The following BNC2 variants were observed in gnomAD, a reference collection of about 807,000 sequenced individuals.
The protein encoded by BNC2 is basonuclin zinc finger protein 2, also known as zinc finger protein basonuclin-2.
In BNC2, 20 loss-of-function variants were observed where a neutral mutation model predicts 76.3. The observed-to-expected ratio is 0.26, with a 90% confidence interval of 0.18 to 0.38. The LOEUF (loss-of-function observed/expected upper bound fraction) is 0.38, where lower values mean the gene tolerates loss of function less well. Ranked by LOEUF, BNC2 falls within the 10% of genes least tolerant of loss-of-function variation. The pLI, the probability that BNC2 is intolerant of heterozygous loss-of-function variation, is 1.00. For missense variants in BNC2, 1,382 were observed against 1,399.8 expected, an observed-to-expected ratio of 0.99 and a Z score of 0.20; for synonymous variants, 582 against 514.8, an observed-to-expected ratio of 1.13 and a Z score of -1.77.
At chr9:16,537,402 T>TA (rs960963457) in intron 5 of BNC2, among the ~76,000 whole-genome samples, 1 of 151,576 alleles carries the variant, frequency 6.6e-6, no homozygotes, top group Non-Finnish European at 1.5e-5. Flanking sequence ...ATTATTGCTG[T>TA]AAAAAAAAGT....
intron 2 of BNC2, among the ~76,000 whole-genome samples, chr9:16,736,360 A>G (rs1824668236): frequency 6.6e-6 from 1 of 151,984 alleles, no homozygotes; most frequent in Admixed American, 6.6e-5. Flanking sequence ...CTTCATATGC[A>G]ATTTACAAAC....
chr9:16,779,928 G>C (rs896551845), intron 1 of BNC2, among the ~76,000 whole-genome samples: 3 of 152,152 alleles, frequency 2.0e-5, no homozygotes, highest in Admixed American at 2.0e-4. Context: ...GTGATAGTTA[G>C]ACAATATACT....
rs553674598 is a variant in BNC2, at chr9:16,430,094, G to A, written c.2639+5461C>T. 1.8e-5 allele frequency: 8 copies of A among 453,844 alleles called. No individual in the cohort carries two copies. In the East Asian group the frequency reaches 2.8e-4, roughly 16 times the overall value. The allele number at this position is 453,844 out of a possible 1,614,324, so 28.1% of individuals were successfully genotyped here. On this transcript the variant is annotated intron_variant, in intron 6 of 6. Coordinates refer to ENST00000380672, the MANE Select transcript of BNC2 (RefSeq NM_017637.6). ...GCACAACTAGCAATTACTCAGGAGG[G>A]GGATGTATTTTGTGTGTTTGCTTCT...
intron 3 of BNC2, among the ~76,000 whole-genome samples, chr9:16,596,764 C>G (rs1244039016): frequency 6.6e-6 from 1 of 152,036 alleles, no homozygotes; most frequent in Non-Finnish European, 1.5e-5. Flanking sequence ...GAGCCTTTAC[C>G]CTGTGATTGT....
At position 16,458,785 on chromosome 9, in the gene BNC2, G is replaced by A. The variant is rs542401561; in HGVS notation, c.670-21261C>T. Among the ~76,000 whole-genome samples, 156 of 152,266 alleles carry A rather than the reference G, an allele frequency of 1.0e-3. 1 individual carries two copies. Among genetic ancestry groups the A allele is most frequent in the African/African-American group, 3.4e-3 (140 of 41,552 alleles). On this transcript the variant is annotated intron_variant, in intron 5 of 6. Transcript: ENST00000380672. ...GTTTACTAAGCACTCACTATGTGCCGGGCACCAAGGGAACAAGCACTTCAT... is the reference window on the plus strand; with the variant it reads ...GTTTACTAAGCACTCACTATGTGCCAGGCACCAAGGGAACAAGCACTTCAT...
At chr9:16,535,994 C>A (rs1377184499) in intron 5 of BNC2, among the ~76,000 whole-genome samples, 3 of 152,026 alleles carry the variant, frequency 2.0e-5, no homozygotes, top group Non-Finnish European at 4.4e-5. Context: ...AACCTAATAG[C>A]CAGATATGTA....
At chr9:16,858,982 T>C (rs891771046) in intron 1 of BNC2, among the ~76,000 whole-genome samples, 8 of 152,042 alleles carry the variant, frequency 5.3e-5, no homozygotes, top group East Asian at 3.8e-4. Flanking sequence ...TATAGACATA[T>C]AGACAACTCT....
At chr9:16,690,406 G>A (rs945306422) in intron 3 of BNC2, among the ~76,000 whole-genome samples, 4 of 152,130 alleles carry the variant, frequency 2.6e-5, no homozygotes, top group South Asian at 2.1e-4. Flanking sequence ...AAAAGGAGCC[G>A]TGAGTGTGCC....
chr9:16,737,683 A>C (rs971865964), intron 2 of BNC2, among the ~76,000 whole-genome samples: 1 of 152,196 alleles, frequency 6.6e-6, no homozygotes, highest in Non-Finnish European at 1.5e-5. Context: ...ATGTTGAAAC[A>C]GAGCAAATGT....
intron 5 of BNC2, among the ~76,000 whole-genome samples, chr9:16,524,259 C>T (rs1373056044): frequency 6.6e-6 from 1 of 152,176 alleles, no homozygotes; most frequent in African/African-American, 2.4e-5. Context: ...TAATGAAGTA[C>T]AGTATGAGCT....
intron 5 of BNC2, among the ~76,000 whole-genome samples, chr9:16,451,976 C>G (rs1821349413): frequency 1.3e-5 from 2 of 152,150 alleles, no homozygotes; most frequent in African/African-American, 4.8e-5. Flanking sequence ...GTATCTTGCT[C>G]AAGATCAGGA....
intron 5 of BNC2, among the ~76,000 whole-genome samples, chr9:16,457,423 G>C (rs893013142): frequency 2.6e-5 from 4 of 152,170 alleles, no homozygotes; most frequent in Non-Finnish European, 4.4e-5. Flanking sequence ...ACTCACTACA[G>C]TGATGGGATA....
chr9:16,705,390 G>T (rs1433083519), intron 3 of BNC2, among the ~76,000 whole-genome samples: 1 of 152,224 alleles, frequency 6.6e-6, no homozygotes, highest in Middle Eastern at 3.4e-3. Flanking sequence ...GCACAGAGGG[G>T]CCACCTCTGC....
intron 1 of BNC2, among the ~76,000 whole-genome samples, chr9:16,811,290 C>T (rs1046209588): frequency 3.3e-5 from 5 of 150,364 alleles, no homozygotes; most frequent in Non-Finnish European, 7.4e-5. Context: ...GTGGCTCACG[C>T]CTGTAATCCC....
chr9:16,855,787 A>G (rs1179294175), intron 1 of BNC2, among the ~76,000 whole-genome samples: 2 of 151,352 alleles, frequency 1.3e-5, no homozygotes, highest in Non-Finnish European at 2.9e-5. Flanking sequence ...TGACCCCATG[A>G]TCTGCCTGCC....
At chr9:16,458,181 G>T (rs774332124) in intron 5 of BNC2, among the ~76,000 whole-genome samples, 2 of 151,538 alleles carry the variant, frequency 1.3e-5, no homozygotes, top group Non-Finnish European at 2.9e-5. Flanking sequence ...TGCAATAACA[G>T]ATACATGAGA....
At chr9:16,656,966 T>C (rs1821948551) in intron 3 of BNC2, among the ~76,000 whole-genome samples, 1 of 152,176 alleles carries the variant, frequency 6.6e-6, no homozygotes, top group African/African-American at 2.4e-5. Context: ...GCTGACTTTC[T>C]GGTTTCTAGC....
At chr9:16,784,604 C>T (rs1462173499) in intron 1 of BNC2, among the ~76,000 whole-genome samples, 5 of 152,150 alleles carry the variant, frequency 3.3e-5, no homozygotes, top group Admixed American at 6.5e-5. Context: ...ACTCTGAATA[C>T]AGAGAGTCTG....
At chr9:16,549,628 G>A (rs1197899861) in intron 5 of BNC2, among the ~76,000 whole-genome samples, 5 of 152,008 alleles carry the variant, frequency 3.3e-5, no homozygotes, top group Non-Finnish European at 5.9e-5. Context: ...TTAAAATATT[G>A]GCCAATTATC....
Sources: gnomAD v4.1 joint callset for allele counts (sites outside exome capture counted in the v4.1 genomes callset) on GRCh38, gnomAD v4.1.1 for gene constraint, MANE v1.5 for transcripts, NCBI Gene and HGNC (gene_info 2026-07-23, HGNC 2026-07-21) for gene names.